PPP4R4: variants seen among roughly 807,000 people sequenced by gnomAD.
PPP4R4 encodes serine/threonine-protein phosphatase 4 regulatory subunit 4.
Under a neutral mutation model 121.8 loss-of-function variants are expected in PPP4R4, and 70 were observed. The ratio of observed to expected loss-of-function variants is 0.57; its 90% CI spans 0.47 to 0.70. PPP4R4 has a LOEUF of 0.70. Ranked by LOEUF, PPP4R4 falls within the 30% of genes least tolerant of loss-of-function variation. PPP4R4 has a pLI of 0.00. For missense variants in PPP4R4, 875 were observed against 1,033.6 expected, an observed-to-expected ratio of 0.85 and a Z score of 2.10; for synonymous variants, 348 against 355.7, an observed-to-expected ratio of 0.98 and a Z score of 0.24.
chr14:94,263,227 T>C (rs1893872392), intron 19 of PPP4R4, among the ~76,000 whole-genome samples: 1 of 152,112 alleles, frequency 6.6e-6, no homozygotes, highest in Non-Finnish European at 1.5e-5. Flanking sequence ...TTTCTCTCTC[T>C]TATTTCTGGG....
intron 16 of PPP4R4, among the ~76,000 whole-genome samples, chr14:94,252,374 T>C (rs1269211950): frequency 1.3e-5 from 2 of 152,154 alleles, no homozygotes; most frequent in Non-Finnish European, 2.9e-5. Context: ...TCCAGTAAAA[T>C]GTTAATTGCA....
chr14:94,275,938 T>C (rs928813978), intron 24 of PPP4R4, among the ~76,000 whole-genome samples: 1 of 152,190 alleles, frequency 6.6e-6, no homozygotes, highest in Admixed American at 6.5e-5. Flanking sequence ...AACCCAGAAT[T>C]GTGAGTCCAA....
chr14:94,218,664 A>G (rs1270044334), intron 3 of PPP4R4, among the ~76,000 whole-genome samples: 65 of 106,650 alleles, frequency 6.1e-4, no homozygotes, highest in South Asian at 2.2e-3. Flanking sequence ...GCGCGCGCGC[A>G]CACACACACA....
intron 7 of PPP4R4, among the ~76,000 whole-genome samples, chr14:94,236,147 G>A (rs958167355): frequency 1.3e-5 from 2 of 152,106 alleles, no homozygotes; most frequent in African/African-American, 4.8e-5. Context: ...TGTCGTGTTG[G>A]AAGTTTAACA....
intron 19 of PPP4R4, among the ~76,000 whole-genome samples, chr14:94,260,284 G>A (rs976829233): frequency 2.6e-5 from 4 of 151,960 alleles, no homozygotes; most frequent in African/African-American, 9.7e-5. Flanking sequence ...AAATTAGCTG[G>A]GCATGGTGGC....
At chr14:94,239,380 G>A (rs1207928324) in intron 8 of PPP4R4, among the ~76,000 whole-genome samples, 2 of 121,678 alleles carry the variant, frequency 1.6e-5, no homozygotes, top group African/African-American at 3.3e-5. Flanking sequence ...CCCGGTGTTC[G>A]ATGTTCCCCA....
intron 5 of PPP4R4, among the ~76,000 whole-genome samples, chr14:94,232,332 C>T (rs1042084730): frequency 6.6e-6 from 1 of 152,000 alleles, no homozygotes; most frequent in Non-Finnish European, 1.5e-5. Context: ...TGTCTTTGTC[C>T]TTTCTTTGTC....
chr14:94,243,243 A>G (rs951926284), intron 11 of PPP4R4, among the ~76,000 whole-genome samples: 1 of 152,112 alleles, frequency 6.6e-6, no homozygotes, highest in African/African-American at 2.4e-5. Flanking sequence ...ATGAAAATAT[A>G]TATGCATTAT....
At chr14:94,261,703 A>G (rs1893793332) in intron 19 of PPP4R4, among the ~76,000 whole-genome samples, 1 of 152,002 alleles carries the variant, frequency 6.6e-6, no homozygotes, top group Non-Finnish European at 1.5e-5. Flanking sequence ...AATAGGTTTT[A>G]TGTAGATTCC....
In PPP4R4 at chr14:94,248,519, ACTAC is replaced by A. The variant is rs1893012318; in HGVS notation, c.1612-1651_1612-1648del. On this transcript the variant is annotated intron_variant, in intron 14 of 24. Coordinates refer to ENST00000304338, the MANE Select transcript of PPP4R4 (RefSeq NM_058237.2). ...TACAGATTCAACACATTCCTATCAA[ACTAC>A]CAATGTCATTTTTCACAGAATTAAA... Among the ~76,000 whole-genome samples the A allele has an allele frequency of 2.6e-5, 4 of 152,282 alleles. No homozygotes were observed. The South Asian group carries it at 8.3e-4, about 32-fold the overall frequency.
rs1174441048 is a variant in PPP4R4 at position 94,243,675 on chromosome 14, A to G, written c.1267-960A>G. Among the ~76,000 whole-genome samples the G allele has an allele frequency of 3.9e-5, 6 of 152,134 alleles. No homozygotes were observed. In the South Asian group the frequency reaches 1.2e-3, roughly 31 times the overall value. On this transcript the variant is annotated intron_variant, in intron 11 of 24. Coordinates refer to ENST00000304338, the MANE Select transcript of PPP4R4 (RefSeq NM_058237.2). The stretch of plus-strand genomic sequence containing the variant: ...AAGTGAGTTTGATAATCATTGATCT[A>G]TATTTGCTGGGTGGCTAGTTTCCAT...
rs148515213 is a variant in PPP4R4 at position 94,273,647 on chromosome 14, A to G, written c.2450-1727A>G. 1.0e-3 allele frequency among the ~76,000 whole-genome samples: 157 copies of G among 152,246 alleles called. 1 individual carries two copies. Among genetic ancestry groups the G allele is most frequent in the African/African-American group, 3.7e-3 (153 of 41,556 alleles). On this transcript the variant is annotated intron_variant, in intron 23 of 24. Coordinates refer to ENST00000304338, the MANE Select transcript of PPP4R4 (RefSeq NM_058237.2). ...ATGACATGTCAATGTGGGTTCATCA[A>G]TGCAACAAATGTACCACTGGTGGGA...
chr14:94,176,120 C>T lies in PPP4R4; in HGVS notation c.184C>T (p.Leu62=), dbSNP rs1376041205. 3.7e-6 allele frequency: 6 copies of T among 1,607,616 alleles called. No individual in the cohort carries two copies. Among genetic ancestry groups the T allele is most frequent in the Non-Finnish European group, 5.1e-6 (6 of 1,174,134 alleles). ...DLSDIERAVY[L]LSAGQDVQGT... The stretch of plus-strand genomic sequence containing the variant: ...CAGTGATATTGAAAGGGCTGTTTAT[C>T]TGCTCAGGTATTTCCTAGTCTTTCT... The change falls in exon 2 of 25, where the codon CTG becomes TTG. Residue 62 remains leucine, a synonymous_variant. Coordinates refer to ENST00000304338, the MANE Select transcript of PPP4R4 (RefSeq NM_058237.2).
At chr14:94,181,755 T>C (rs780804452) in intron 2 of PPP4R4, among the ~76,000 whole-genome samples, 1 of 152,238 alleles carries the variant, frequency 6.6e-6, no homozygotes, top group Non-Finnish European at 1.5e-5. Flanking sequence ...GCAATTTTCT[T>C]TGACAACTTA....
At chr14:94,183,073 G>A (rs1889075774) in intron 2 of PPP4R4, among the ~76,000 whole-genome samples, 2 of 152,048 alleles carry the variant, frequency 1.3e-5, no homozygotes, top group African/African-American at 4.8e-5. Flanking sequence ...GTTCTATAAG[G>A]TTTTACTTGG....
intron 7 of PPP4R4, among the ~76,000 whole-genome samples, chr14:94,235,639 T>C (rs1299627942): frequency 2.0e-5 from 3 of 151,948 alleles, no homozygotes; most frequent in Non-Finnish European, 4.4e-5. Flanking sequence ...GACCTCGTGA[T>C]CCGCCTGCCT....
chr14:94,272,076 G>A (rs141780197), intron 23 of PPP4R4, among the ~76,000 whole-genome samples: 129 of 152,312 alleles, frequency 8.5e-4, no homozygotes, highest in African/African-American at 2.8e-3. Context: ...TTGTCAAGAC[G>A]TCAGTTCTTC....
At chr14:94,270,025 TTAG>T (rs1460295819) in intron 23 of PPP4R4, among the ~76,000 whole-genome samples, 1 of 152,200 alleles carries the variant, frequency 6.6e-6, no homozygotes, top group Non-Finnish European at 1.5e-5. Flanking sequence ...ATGTAAGCTG[TTAG>T]TAGAGGAAAT....
intron 3 of PPP4R4, among the ~76,000 whole-genome samples, chr14:94,210,961 C>A (rs1890710583): frequency 6.6e-6 from 1 of 152,106 alleles, no homozygotes; most frequent in Admixed American, 6.6e-5. Context: ...TTGTCAATTC[C>A]ACCTCACTTC....
Sources: allele counts gnomAD v4.1 joint callset (sites outside exome capture counted in the v4.1 genomes callset), GRCh38; gene constraint gnomAD v4.1.1; transcripts MANE v1.5; gene names NCBI Gene and HGNC (gene_info 2026-07-23, HGNC 2026-07-21).